The following HACD1 variants were observed in gnomAD, a reference collection of about 807,000 sequenced individuals.
HACD1 encodes very-long-chain (3R)-3-hydroxyacyl-CoA dehydratase 1.
HACD1 carries 41 observed loss-of-function variants against 32.0 expected under a neutral mutation model. The observed-to-expected ratio is 1.28, with a 90% CI of 1.00 to 1.66. The LOEUF (loss-of-function observed/expected upper bound fraction) is 1.66. Among genes scored for constraint, HACD1 ranks in the 40% most tolerant of loss-of-function variants. HACD1 has a pLI of 0.00. For missense variants in HACD1, 396 were observed against 380.1 expected (o/e 1.04, Z -0.35); for synonymous variants, 142 against 139.0 (o/e 1.02, Z -0.15).
rs782438531 is a variant in HACD1 at position 17,599,312 on chromosome 10, G to C, written c.583C>G (p.Pro195Ala). 2.5e-5 allele frequency: 40 copies of C among 1,613,868 alleles called. No homozygotes were observed. Among genetic ancestry groups the C allele is most frequent in the Non-Finnish European group, 2.9e-5 (34 of 1,179,994 alleles). The stretch of plus-strand genomic sequence containing the variant: ...CACCTGGCCCATTTAATGAAGTATG[G>C]CAAGTGGTCAAGAAGGCTGAATGTG... ...FYTFSLLDHL[P>A]YFIKWARYNF... The change falls in exon 5 of 7, where the codon CCA (proline) becomes GCA (alanine). Residue 195 changes from proline to alanine, a missense_variant. Physicochemically the swap from Pro to Ala is conservative, Grantham distance 27. Coordinates refer to ENST00000361271, the MANE Select transcript of HACD1 (RefSeq NM_014241.4).
Position 17,603,665 on chromosome 10 carries a change from A to T in HACD1, c.395-17T>A. Reference sequence around the variant, plus strand: ...GTACAATTCCTTAAAAAGAAAAACAAGTGAACTATTGCCCTAAAGGCAATT... The same window carrying T: ...GTACAATTCCTTAAAAAGAAAAACATGTGAACTATTGCCCTAAAGGCAATT... On this transcript the variant is annotated splice_polypyrimidine_tract_variant and intron_variant, in intron 3 of 6. Transcript: ENST00000361271. The T allele has an allele frequency of 6.2e-7, 1 of 1,609,704 alleles. No homozygotes were observed. Among genetic ancestry groups the T allele is most frequent in the Non-Finnish European group, 8.5e-7 (1 of 1,176,264 alleles).
At chr10:17,595,778 A>G (rs1833988025) in intron 5 of HACD1, among the ~76,000 whole-genome samples, 1 of 152,106 alleles carries the variant, frequency 6.6e-6, no homozygotes, top group South Asian at 2.1e-4. Flanking sequence ...TTAAGAGGCC[A>G]GAGTGCAAGA....
intron 1 of HACD1, among the ~76,000 whole-genome samples, chr10:17,609,298 C>T (rs1374351941): frequency 6.6e-6 from 1 of 151,688 alleles, no homozygotes; most frequent in Non-Finnish European, 1.5e-5. Context: ...AGACTATAGG[C>T]GCCCGCCACC....
chr10:17,590,549 T>C, intron 6 of HACD1, 103 bp from the exon 7 acceptor site: 5 of 744,244 alleles, frequency 6.7e-6, no homozygotes, highest in African/African-American at 3.6e-5. Flanking sequence ...ATACATCCCA[T>C]ACCACTGCTG....
At chr10:17,610,292 TC>T (rs1834214606) in intron 1 of HACD1, among the ~76,000 whole-genome samples, 1 of 152,220 alleles carries the variant, frequency 6.6e-6, no homozygotes, top group African/African-American at 2.4e-5. Context: ...ACCTTGGGTT[TC>T]TTGTTCTATT....
chr10:17,608,418 G>A (rs185677651), intron 1 of HACD1, among the ~76,000 whole-genome samples: 103 of 152,270 alleles, frequency 6.8e-4, no homozygotes, highest in African/African-American at 2.1e-3. Flanking sequence ...ATTCTAGCTT[G>A]CTATTTCCTT....
intron 1 of HACD1, among the ~76,000 whole-genome samples, chr10:17,613,122 G>C (rs1322415517): frequency 7.2e-6 from 1 of 138,506 alleles, no homozygotes; most frequent in Non-Finnish European, 1.6e-5. Context: ...GTGTGTGTGT[G>C]TGTGTGTGTG....
chr10:17,611,495 T>C (rs1244794444), intron 1 of HACD1, among the ~76,000 whole-genome samples: 1 of 152,374 alleles, frequency 6.6e-6, no homozygotes, highest in East Asian at 1.9e-4. Context: ...ATCTCATTAT[T>C]TTATTGCAAT....
At chr10:17,603,462 T>C in intron 4 of HACD1, 98 bp downstream of exon 4, 1 of 1,148,000 alleles carries the variant, frequency 8.7e-7, no homozygotes, top group Non-Finnish European at 1.2e-6. Context: ...TGTCCAACAC[T>C]TCCACCTCCT....
chr10:17,605,881 G>T lies in HACD1; in HGVS notation c.258-1834C>A, dbSNP rs1483944880. ...AGGCAGGAGAATTGTTTGAACCCAT[G>T]AGGCGGAGGTTGCAGTGAGCTGAGA... On this transcript the variant is annotated intron_variant, in intron 1 of 6. Coordinates refer to ENST00000361271, the MANE Select transcript of HACD1 (RefSeq NM_014241.4). Among the ~76,000 whole-genome samples, 6 of 152,226 alleles carry T rather than the reference G, an allele frequency of 3.9e-5. No individual in the cohort carries two copies. In the East Asian group the frequency reaches 9.7e-4, roughly 25 times the overall value.
intron 1 of HACD1, among the ~76,000 whole-genome samples, chr10:17,611,446 CCCTA>C (rs1834234865): frequency 6.6e-6 from 1 of 152,244 alleles, no homozygotes; most frequent in African/African-American, 2.4e-5. Context: ...CTCTAATTCT[CCCTA>C]CCTGTCTGTC....
At chr10:17,612,359 C>T (rs1832997079) in intron 1 of HACD1, among the ~76,000 whole-genome samples, 1 of 152,122 alleles carries the variant, frequency 6.6e-6, no homozygotes, top group South Asian at 2.1e-4. Context: ...GAAAAATATA[C>T]AATACAGCAG....
intron 6 of HACD1, 101 bp from the exon 7 acceptor site, chr10:17,590,547 C>G (rs527260122): frequency 1.3e-6 from 1 of 754,612 alleles, no homozygotes; most frequent in South Asian, 2.0e-5. Context: ...AAATACATCC[C>G]ATACCACTGC....
At chr10:17,613,097 G>GGTGTGTGT (rs56074507) in intron 1 of HACD1, among the ~76,000 whole-genome samples, 42 of 132,876 alleles carry the variant, frequency 3.2e-4, no homozygotes, top group Admixed American at 1.3e-3. Flanking sequence ...TGCAATTTGG[G>GGTGTGTGT]GTGTGTGTGT....
At chr10:17,602,582 C>T (rs1834085806) in intron 4 of HACD1, among the ~76,000 whole-genome samples, 1 of 152,158 alleles carries the variant, frequency 6.6e-6, no homozygotes. Context: ...TGGTGTACAA[C>T]ATGATGTTCT....
chr10:17,608,340 T>G (rs962117568), intron 1 of HACD1, among the ~76,000 whole-genome samples: 4 of 152,068 alleles, frequency 2.6e-5, no homozygotes, highest in East Asian at 3.9e-4. Context: ...ACTCTCTCTT[T>G]TGTGATGCTA....
intron 6 of HACD1, among the ~76,000 whole-genome samples, chr10:17,592,022 C>CTCAGGCTG (rs2077956360): frequency 8.1e-6 from 1 of 123,614 alleles, no homozygotes; most frequent in Non-Finnish European, 1.6e-5. Flanking sequence ...CACTCTGTCA[C>CTCAGGCTG]TCAGGCTGGA....
intron 1 of HACD1, among the ~76,000 whole-genome samples, chr10:17,611,397 C>T (rs1338642206): frequency 2.0e-5 from 3 of 152,194 alleles, no homozygotes; most frequent in Non-Finnish European, 2.9e-5. Context: ...AGTCCTTCAC[C>T]GCTCAGTTTA....
At chr10:17,608,935 A>C (rs1432951313) in intron 1 of HACD1, among the ~76,000 whole-genome samples, 1 of 152,148 alleles carries the variant, frequency 6.6e-6, no homozygotes, top group Non-Finnish European at 1.5e-5. Flanking sequence ...AGATTCATAA[A>C]AGAAAAAACA....
Sources: allele counts gnomAD v4.1 joint callset (sites outside exome capture counted in the v4.1 genomes callset), GRCh38; gene constraint gnomAD v4.1.1; transcripts MANE v1.5; gene names NCBI Gene and HGNC (gene_info 2026-07-23, HGNC 2026-07-21).